Variants in MATR3 observed in about 807,000 individuals in gnomAD.
MATR3 encodes matrin-3.
MATR3 carries 4 observed loss-of-function variants against 85.5 expected under a neutral mutation model. The observed-to-expected ratio is 0.05, with a 90% confidence interval of 0.02 to 0.11. The LOEUF is 0.11. Among genes scored for constraint, MATR3 ranks in the 10% least tolerant of loss-of-function variants. The probability of loss-of-function intolerance (pLI) is 1.00; values close to 1 mark genes in which losing one functional copy is unlikely to be tolerated. For synonymous variants in MATR3, 336 were observed against 343.1 expected (o/e 0.98, Z 0.23); for missense variants, 685 against 1,016.1 (o/e 0.67, Z 4.43).
At chr5:139,295,653 C>G (rs1754109847) in intron 1 of MATR3, among the ~76,000 whole-genome samples, 1 of 152,116 alleles carries the variant, frequency 6.6e-6, no homozygotes. Context: ...GCTAATATTA[C>G]AAGTCAGTTA....
chr5:139,330,316 G>A lies in MATR3; in HGVS notation c.*921G>A, dbSNP rs911057309. ...ACAGAAATTTGCATGTATAATTTGT[G>A]TTTACTTGTAACTTTCTGGTTATAT... On this transcript the variant is annotated 3_prime_UTR_variant, in exon 15 of 15. Transcript: ENST00000394805. 2.2e-6 allele frequency: 1 copy of A among 453,794 alleles called. No individual in the cohort carries two copies. The highest frequency in any genetic ancestry group is 4.4e-6 in the Non-Finnish European group (1 of 226,574). The allele number at this position is 453,794 out of a possible 1,614,324, so 28.1% of individuals were successfully genotyped here.
intron 3 of MATR3, among the ~76,000 whole-genome samples, chr5:139,286,650 G>C (rs538627178): frequency 9.8e-4 from 148 of 151,680 alleles, no homozygotes; most frequent in African/African-American, 3.3e-3. Context: ...TACAAGACCA[G>C]CCTAGCCAAC....
At chr5:139,292,661 A>G (rs1224616468), upstream of MATR3, among the ~76,000 whole-genome samples, 1 of 152,236 alleles carries the variant, frequency 6.6e-6, no homozygotes, top group Non-Finnish European at 1.5e-5. Flanking sequence ...ACCCTCCTGC[A>G]CAGAATTCCT....
rs114234654 is a variant in MATR3, at chr5:139,319,126, G to A, written c.1434+93G>A. The stretch of plus-strand genomic sequence containing the variant: ...TATTTCAAATTATTGCTAAGGCCAG[G>A]TGTGGTGGCTCACGCCTGTAATCCC... On this transcript the variant is annotated intron_variant, in intron 8 of 14. Transcript: ENST00000394805. 557 of 1,428,768 alleles carry A rather than the reference G, an allele frequency of 3.9e-4. 6 individuals carry two copies. In the African/African-American group the frequency reaches 7.0e-3, roughly 18 times the overall value. The allele number at this position is 1,428,768 out of a possible 1,614,324, so 88.5% of individuals were successfully genotyped here.
At position 139,322,709 on chromosome 5, in the gene MATR3, G is replaced by A; in HGVS notation, c.1890G>A (p.Lys630=). ...CCGAAGGTAAAGAACAAGAAGAGAA[G>A]TCCGGTGAAGATGGTGAGAAAGACA... is the stretch of plus-strand genomic sequence containing the variant. ...SSTEGKEQEE[K]SGEDGEKDTK... Residue 630 remains lysine (K), a synonymous_variant, in exon 12 of 15, where the codon AAG becomes AAA. Transcript: ENST00000394805. 6.2e-7 allele frequency: 1 copy of A among 1,614,194 alleles called. No homozygotes were observed. Among genetic ancestry groups the A allele is most frequent in the African/African-American group, 1.3e-5 (1 of 75,066 alleles).
upstream of MATR3, among the ~76,000 whole-genome samples, chr5:139,291,589 G>A (rs1046314188): frequency 6.6e-6 from 1 of 152,132 alleles, no homozygotes. Context: ...CCAGGCTGGC[G>A]TGCAATGGCG....
At chr5:139,327,922 C>T (rs1755942108) in intron 14 of MATR3, among the ~76,000 whole-genome samples, 1 of 151,846 alleles carries the variant, frequency 6.6e-6, no homozygotes, top group Non-Finnish European at 1.5e-5. Context: ...AGTGCAATGG[C>T]ACAATCTCAG....
At chr5:139,274,796 GTGGTGT>G (rs1753207447) in intron 1 of MATR3, among the ~76,000 whole-genome samples, 1 of 151,708 alleles carries the variant, frequency 6.6e-6, no homozygotes, top group African/African-American at 2.4e-5. Flanking sequence ...TTAGCTGGGC[GTGGTGT>G]CGCACGCCTG....
intron 4 of MATR3, 26 bp downstream of exon 4, chr5:139,315,764 T>C: frequency 1.3e-6 from 2 of 1,563,610 alleles, no homozygotes; most frequent in Non-Finnish European, 1.8e-6. Flanking sequence ...TAAGCTACCA[T>C]TTGTAAAGGA....
chr5:139,317,928 G>A (rs569192637), intron 7 of MATR3, among the ~76,000 whole-genome samples: 4 of 152,072 alleles, frequency 2.6e-5, no homozygotes, highest in Non-Finnish European at 5.9e-5. Context: ...TGATCCTTAG[G>A]TAGTAATTGT....
intron 1 of MATR3, chr5:139,299,862 A>G (rs1581223301): frequency 1.3e-5 from 2 of 152,334 alleles, no homozygotes; most frequent in African/African-American, 2.4e-5. Flanking sequence ...ATCTATGGCC[A>G]TACCACCCTA....
In MATR3 at chr5:139,314,715, G is replaced by T; in HGVS notation, c.953G>T (p.Arg318Leu). The T allele has an allele frequency of 6.2e-7, 1 of 1,613,726 alleles. No individual in the cohort carries two copies. The highest frequency in any genetic ancestry group is 1.1e-5 in the South Asian group (1 of 91,072). The change falls in exon 3 of 15, where the codon CGA becomes CTA. Residue 318 changes from arginine to leucine, a missense_variant. Arg to Leu is a moderately radical substitution (Grantham distance 102). Around this residue, in one of 9 missense-constraint regions of MATR3, gnomAD observed 223 missense variants for 334.4 expected, o/e 0.67. Coordinates refer to ENST00000394805, the MANE Select transcript of MATR3 (RefSeq NM_018834.6). ...QHINGASHSR[R>L]CQLLLEIYPE... ...ATCAATGGAGCAAGTCACAGTCGTC[G>T]ATGCCAGCTTCTTCTTGAAATGTAG...
chr5:139,297,542 G>T (rs545450656), intron 1 of MATR3, among the ~76,000 whole-genome samples: 1 of 152,290 alleles, frequency 6.6e-6, no homozygotes, highest in African/African-American at 2.4e-5. Context: ...GAGTATAAGT[G>T]TTAGGTTTTA....
At position 139,307,186 on chromosome 5, in the gene MATR3, AAAC is replaced by A; in HGVS notation, c.-177-52_-177-50del. On this transcript the variant is annotated intron_variant, in intron 1 of 14. Transcript: ENST00000394805. This position sits in a 1 kb window ranked among gnomAD's most constrained non-coding sequence, Gnocchi z 4.4. The stretch of plus-strand genomic sequence containing the variant: ...ATGCATAAGTTTTTTTTTCTTAAAA[AAAC>A]GGCATCTGCTTAAAGGGATTTATGA... The A allele has an allele frequency of 1.7e-6, 2 of 1,201,258 alleles. No homozygotes were observed. Among genetic ancestry groups the A allele is most frequent in the Non-Finnish European group, 1.0e-6 (1 of 968,104 alleles). 74.4% of individuals were successfully genotyped at this position (1,201,258 alleles called of 1,614,324 possible). A position where few individuals can be genotyped will look rare whatever the true frequency, so the allele number is the denominator to read the frequency against.
At chr5:139,325,171 C>G (rs894052309) in intron 12 of MATR3, 27 of 1,346,320 alleles carry the variant, frequency 2.0e-5, no homozygotes, top group Non-Finnish European at 2.6e-5. Flanking sequence ...CCAGCCTGGT[C>G]GACAGAGCAA....
At chr5:139,323,212 A>T (rs1271451178) in intron 12 of MATR3, among the ~76,000 whole-genome samples, 1 of 151,452 alleles carries the variant, frequency 6.6e-6, no homozygotes, top group Non-Finnish European at 1.5e-5. Flanking sequence ...AGGGAGAAAG[A>T]CTCAAAATAT....
In MATR3 at chr5:139,331,251, C is replaced by CA. The variant is rs1318166722; in HGVS notation, c.*1862dup. Reference sequence around the variant, plus strand: ...GGTGATGATTTTAATGTGACATGCACAAAAAATCCTTGCCAGTTTACTTCT... The same window carrying CA: ...GGTGATGATTTTAATGTGACATGCACAAAAAAATCCTTGCCAGTTTACTTCT... On this transcript the variant is annotated 3_prime_UTR_variant, in exon 15 of 15. Coordinates refer to ENST00000394805, the MANE Select transcript of MATR3 (RefSeq NM_018834.6). The CA allele has an allele frequency of 1.1e-5, 5 of 454,000 alleles. No homozygotes were observed. The highest frequency in any genetic ancestry group is 6.8e-4 in the Middle Eastern group (1 of 1,466). 28.1% of individuals were successfully genotyped at this position (454,000 alleles called of 1,614,324 possible).
At chr5:139,293,178 TGAG>T (rs1753940349), upstream of MATR3, 1 of 152,162 alleles carries the variant, frequency 6.6e-6, no homozygotes, top group African/African-American at 2.4e-5. Flanking sequence ...GAGGATCCCT[TGAG>T]GATAGGAGTT....
chr5:139,307,119 G>GT lies in MATR3; in HGVS notation c.-177-119dup. On this transcript the variant is annotated intron_variant, in intron 1 of 14. Transcript: ENST00000394805. This position sits in a 1 kb window ranked among gnomAD's most constrained non-coding sequence, Gnocchi z 4.4. ...GTTTAAGATATGTAATAAATTCCTT[G>GT]TAAGTTTGAGATCTTAAATGTTTTT... The GT allele has an allele frequency of 1.7e-6, 1 of 604,728 alleles. No homozygotes were observed. The highest frequency in any genetic ancestry group is 2.2e-6 in the Non-Finnish European group (1 of 455,648). The allele number at this position is 604,728 out of a possible 1,614,324, so 37.5% of individuals were successfully genotyped here.
Sources: allele counts gnomAD v4.1 joint callset (sites outside exome capture counted in the v4.1 genomes callset), GRCh38; gene constraint gnomAD v4.1.1; regional missense constraint gnomAD v4.1.1; non-coding constraint Gnocchi (gnomAD v3.1); transcripts MANE v1.5; gene names NCBI Gene and HGNC (gene_info 2026-07-23, HGNC 2026-07-21).